Variants in CADPS observed in about 807,000 individuals in gnomAD.
CADPS encodes calcium dependent secretion activator.
In CADPS, 57 loss-of-function variants were observed where a neutral mutation model predicts 167.3. The observed-to-expected ratio is 0.34, with a 90% confidence interval of 0.28 to 0.42. The LOEUF is 0.42. Among genes scored for constraint, CADPS ranks in the 20% least tolerant of loss-of-function variants. The pLI, the probability that CADPS is intolerant of heterozygous loss-of-function variation, is 1.00. For missense variants in CADPS, 1,414 were observed against 1,738.1 expected (o/e 0.81, Z 3.32); for synonymous variants, 676 against 635.3 (o/e 1.06, Z -0.96).
intron 3 of CADPS, among the ~76,000 whole-genome samples, chr3:62,726,199 T>A (rs955296736): frequency 6.6e-6 from 1 of 151,850 alleles, no homozygotes; most frequent in Non-Finnish European, 1.5e-5. Context: ...GGGCAGTCAC[T>A]GTCTGCAGCT....
chr3:62,665,065 A>G (rs1325790439), intron 3 of CADPS, among the ~76,000 whole-genome samples: 1 of 152,208 alleles, frequency 6.6e-6, no homozygotes, highest in Non-Finnish European at 1.5e-5. Flanking sequence ...CATAAAGAAG[A>G]AAGGATTAGC....
At chr3:62,532,211 C>T (rs2073839079) in intron 13 of CADPS, among the ~76,000 whole-genome samples, 1 of 152,188 alleles carries the variant, frequency 6.6e-6, no homozygotes, top group African/African-American at 2.4e-5. Flanking sequence ...GCATCACTTC[C>T]TCAGGGAGGT....
intron 6 of CADPS, among the ~76,000 whole-genome samples, chr3:62,630,938 G>T (rs2065151077): frequency 6.6e-6 from 1 of 152,024 alleles, no homozygotes; most frequent in South Asian, 2.1e-4. Flanking sequence ...TGTCCTCAAG[G>T]TTATGTAGGT....
At chr3:62,657,012 A>G (rs193018788) in intron 4 of CADPS, among the ~76,000 whole-genome samples, 1 of 152,248 alleles carries the variant, frequency 6.6e-6, no homozygotes, top group Non-Finnish European at 1.5e-5. Flanking sequence ...TCAGGCAACA[A>G]GTTGAAAGAA....
intron 1 of CADPS, among the ~76,000 whole-genome samples, chr3:62,835,128 C>A (rs1395127109): frequency 6.6e-6 from 1 of 152,044 alleles, no homozygotes; most frequent in African/African-American, 2.4e-5. Context: ...GAAACTGTCC[C>A]AGTAATAGCT....
intron 1 of CADPS, among the ~76,000 whole-genome samples, chr3:62,769,928 T>G (rs1205550717): frequency 1.3e-5 from 2 of 152,018 alleles, no homozygotes; most frequent in African/African-American, 4.8e-5. Context: ...GCTAAAAAGA[T>G]GAAAAGGAAA....
chr3:62,800,964 A>G (rs2093726929), intron 1 of CADPS, among the ~76,000 whole-genome samples: 1 of 152,164 alleles, frequency 6.6e-6, no homozygotes, highest in African/African-American at 2.4e-5. Context: ...GAGCTTAGCT[A>G]CATTTGTTAA....
At chr3:62,552,998 A>G (rs2077554401) in intron 10 of CADPS, among the ~76,000 whole-genome samples, 1 of 152,184 alleles carries the variant, frequency 6.6e-6, no homozygotes, top group Non-Finnish European at 1.5e-5. Context: ...GAGGAAGAAG[A>G]GCTCTGAGAG....
chr3:62,812,659 T>C (rs2094441359), intron 1 of CADPS, among the ~76,000 whole-genome samples: 2 of 152,182 alleles, frequency 1.3e-5, no homozygotes, highest in Admixed American at 6.6e-5. Context: ...AAGTCACTCA[T>C]AGGAGCAATT....
At chr3:62,722,271 C>T (rs748867987) in intron 3 of CADPS, among the ~76,000 whole-genome samples, 63 of 152,308 alleles carry the variant, frequency 4.1e-4, no homozygotes, top group Non-Finnish European at 2.9e-4. Flanking sequence ...ACGGCCATGC[C>T]GACTTGGTGA....
intron 3 of CADPS, among the ~76,000 whole-genome samples, chr3:62,695,523 A>G (rs998537898): frequency 3.9e-5 from 6 of 152,104 alleles, no homozygotes; most frequent in Non-Finnish European, 7.4e-5. Flanking sequence ...TTACCTGACT[A>G]TCCTCTCTAA....
intron 6 of CADPS, among the ~76,000 whole-genome samples, chr3:62,616,799 T>A (rs1288584563): frequency 6.6e-6 from 1 of 152,166 alleles, no homozygotes; most frequent in Non-Finnish European, 1.5e-5. Flanking sequence ...GAGGAAAGTT[T>A]TCGTCTAATG....
intron 3 of CADPS, among the ~76,000 whole-genome samples, chr3:62,715,514 C>T (rs1232070700): frequency 6.6e-6 from 1 of 150,434 alleles, no homozygotes; most frequent in Non-Finnish European, 1.5e-5. Flanking sequence ...TTTACATGAA[C>T]CTTAGAAAAC....
At chr3:62,684,222 G>C (rs547051527) in intron 3 of CADPS, among the ~76,000 whole-genome samples, 1 of 152,152 alleles carries the variant, frequency 6.6e-6, no homozygotes, top group African/African-American at 2.4e-5. Context: ...ACTTAGGAAA[G>C]TTTATTTTAT....
At chr3:62,723,437 C>T (rs896532439) in intron 3 of CADPS, among the ~76,000 whole-genome samples, 9 of 152,044 alleles carry the variant, frequency 5.9e-5, no homozygotes, top group South Asian at 4.1e-4. Context: ...CTTCCTTTCA[C>T]GTAAGAGGGC....
intron 1 of CADPS, among the ~76,000 whole-genome samples, chr3:62,843,873 G>A (rs2076992930): frequency 6.6e-6 from 1 of 151,810 alleles, no homozygotes; most frequent in Admixed American, 6.6e-5. Flanking sequence ...AGAGGAAAAT[G>A]AATCATTAGA....
chr3:62,474,071 G>T, intron 24 of CADPS, 102 bp downstream of exon 24: 8 of 766,416 alleles, frequency 1.0e-5, no homozygotes, highest in Non-Finnish European at 1.4e-5. Flanking sequence ...GTGTATTTCT[G>T]AAACTAGCAG....
rs1040852517 is a variant in CADPS, at chr3:62,511,308, T to G, written c.2599+1443A>C. ...CCACTACTATCATTTCACTCTGTTTTGCAGCTACGTTGAATTAATTACAGA... is the reference window on the plus strand; with the variant it reads ...CCACTACTATCATTTCACTCTGTTTGGCAGCTACGTTGAATTAATTACAGA... On this transcript the variant is annotated intron_variant, in intron 17 of 29. Coordinates refer to ENST00000383710, the MANE Select transcript of CADPS (RefSeq NM_003716.4). Among the ~76,000 whole-genome samples, 5 of 152,312 alleles carry G rather than the reference T, an allele frequency of 3.3e-5. No homozygotes were observed. In the East Asian group the frequency reaches 9.7e-4, roughly 29 times the overall value.
chr3:62,424,619 A>G (rs1002259618), intron 28 of CADPS, among the ~76,000 whole-genome samples: 1 of 152,246 alleles, frequency 6.6e-6, no homozygotes, highest in African/African-American at 2.4e-5. Flanking sequence ...GGAAAACAGA[A>G]CTAAAACATT....
Sources: gnomAD v4.1 joint callset for allele counts (sites outside exome capture counted in the v4.1 genomes callset) on GRCh38, gnomAD v4.1.1 for gene constraint, MANE v1.5 for transcripts, NCBI Gene and HGNC (gene_info 2026-07-23, HGNC 2026-07-21) for gene names.